Variants in SYNE3 observed in about 807,000 individuals in gnomAD.
SYNE3 encodes spectrin repeat containing nuclear envelope family member 3.
In SYNE3, 100 loss-of-function variants were observed where a neutral mutation model predicts 111.2. The observed-to-expected ratio is 0.90, with a 90% confidence interval of 0.77 to 1.06. The LOEUF (loss-of-function observed/expected upper bound fraction) is 1.06, where lower values mean the gene tolerates loss of function less well. Among genes scored for constraint, SYNE3 ranks in the 50% least tolerant of loss-of-function variants. The pLI, the probability that SYNE3 is intolerant of heterozygous loss-of-function variation, is 0.00. For synonymous variants in SYNE3, 547 were observed against 533.9 expected (o/e 1.02, Z -0.34); for missense variants, 1,160 against 1,240.3 (o/e 0.94, Z 0.97).
At chr14:95,438,875 G>T in intron 14 of SYNE3, 158 bp downstream of exon 14, 1 of 1,032,502 alleles carries the variant, frequency 9.7e-7, no homozygotes, top group South Asian at 1.5e-5. Context: ...ATGCTCTTTG[G>T]CCACAGCTGG....
In SYNE3 at chr14:95,409,654, C is replaced by T. The variant is rs971044895; in HGVS notation, c.*8172G>A. ...TGCTGAACCATTTGCTTTTAGACCA[C>T]GAGCCTGTGTTTTAATGTTCTTTTA... On this transcript the variant is annotated 3_prime_UTR_variant, in exon 18 of 18. Transcript: ENST00000682763. 1.4e-4 allele frequency: 47 copies of T among 328,048 alleles called. No homozygotes were observed. The Admixed American group carries it at 1.8e-3, about 12-fold the overall frequency. The allele number at this position is 328,048 out of a possible 1,614,324, so 20.3% of individuals were successfully genotyped here. A position where few individuals can be genotyped will look rare whatever the true frequency, so the allele number is the denominator to read the frequency against.
At position 95,473,954 on chromosome 14, in the gene SYNE3, C is replaced by T. The variant is rs1252554708; in HGVS notation, c.144+1724G>A. ...TGGCTGGAGCTAAGGCCAGTGTGAG[C>T]TTGCGAGGTGTGACAGTGGCTGGAG... On this transcript the variant is annotated intron_variant, in intron 2 of 17. Transcript: ENST00000682763. Among the ~76,000 whole-genome samples the T allele has an allele frequency of 1.1e-4, 17 of 148,484 alleles. No homozygotes were observed. The East Asian group carries it at 3.5e-3, about 31-fold the overall frequency.
chr14:95,481,336 A>C (rs142856195), intron 1 of SYNE3, among the ~76,000 whole-genome samples: 3 of 152,342 alleles, frequency 2.0e-5, no homozygotes, highest in Non-Finnish European at 4.4e-5. Flanking sequence ...TCAAGGTCCA[A>C]TCAGCAGAGT....
chr14:95,465,781 G>T, intron 4 of SYNE3, 150 bp downstream of exon 4: 1 of 868,150 alleles, frequency 1.2e-6, no homozygotes, highest in Non-Finnish European at 1.7e-6. Context: ...GTTGGATAGT[G>T]AACAGGTGAG....
At chr14:95,498,594 C>T (rs1227931402) in intron 1 of SYNE3, among the ~76,000 whole-genome samples, 1 of 152,208 alleles carries the variant, frequency 6.6e-6, no homozygotes, top group Admixed American at 6.5e-5. Flanking sequence ...ATTCAAGTTA[C>T]ATGAGACAGA....
rs200606884 is a variant in SYNE3, at chr14:95,455,409, C to G, written c.1105G>C (p.Asp369His). ...CGTCTCCAGTGTGCCACCAGCTCGT[C>G]CTCGGTCCCCGCTTTCGCCGCAGGC... Reference protein sequence around the residue: ...LQPAAKAGTEDELVAHWRRYS... With the variant: ...LQPAAKAGTEHELVAHWRRYS... Residue 369 changes from aspartate to histidine, a missense_variant, in exon 6 of 18, where the codon GAC becomes CAC. Coordinates refer to ENST00000682763, the MANE Select transcript of SYNE3 (RefSeq NM_152592.6). 1.1e-4 allele frequency: 170 copies of G among 1,561,570 alleles called. No individual in the cohort carries two copies. Among genetic ancestry groups the G allele is most frequent in the African/African-American group, 8.1e-4 (59 of 73,160 alleles).
At chr14:95,501,791 C>G (rs1235684769) in intron 1 of SYNE3, among the ~76,000 whole-genome samples, 1 of 152,170 alleles carries the variant, frequency 6.6e-6, no homozygotes. Flanking sequence ...TTGTCCCCAG[C>G]GGGGAAGAAA....
chr14:95,428,585 C>A (rs1885564964), intron 17 of SYNE3, among the ~76,000 whole-genome samples: 1 of 152,184 alleles, frequency 6.6e-6, no homozygotes, highest in South Asian at 2.1e-4. Context: ...CCTATTTCAC[C>A]CTGGCTCACA....
At chr14:95,505,279 G>T (rs1021706257) in intron 1 of SYNE3, among the ~76,000 whole-genome samples, 1 of 152,222 alleles carries the variant, frequency 6.6e-6, no homozygotes, top group African/African-American at 2.4e-5. Context: ...GGGGAAGGTG[G>T]AGCAAGAGGG....
Position 95,470,826 on chromosome 14 carries a change from C to T in SYNE3, c.145-2859G>A, listed in dbSNP as rs923542511. Among the ~76,000 whole-genome samples the T allele has an allele frequency of 2.0e-5, 3 of 152,010 alleles. No individual in the cohort carries two copies. Among genetic ancestry groups the T allele is most frequent in the African/African-American group, 4.8e-5 (2 of 41,478 alleles). ...TACAAAAATTAGCCGGGCATGGTGG[C>T]GCACACCTGTGATCCTAGCTACTCA... On this transcript the variant is annotated intron_variant, in intron 2 of 17. Transcript: ENST00000682763. The surrounding 1 kb of genome is among the most constrained non-coding windows in gnomAD (Gnocchi z 4.2).
chr14:95,494,197 C>T (rs781511392), intron 1 of SYNE3, among the ~76,000 whole-genome samples: 6 of 152,134 alleles, frequency 3.9e-5, no homozygotes, highest in South Asian at 4.1e-4. Flanking sequence ...TGGCGCGGTG[C>T]CACTAGGGCC....
At chr14:95,452,593 G>T (rs971119762) in intron 6 of SYNE3, among the ~76,000 whole-genome samples, 6 of 152,202 alleles carry the variant, frequency 3.9e-5, no homozygotes, top group Admixed American at 3.9e-4. Context: ...ACTGTCTGGT[G>T]CTGGGCTACA....
chr14:95,477,094 A>G (rs1277130438), intron 1 of SYNE3, among the ~76,000 whole-genome samples: 1 of 152,282 alleles, frequency 6.6e-6, no homozygotes, highest in Non-Finnish European at 1.5e-5. Flanking sequence ...AACAAAAACT[A>G]CACTCATAGA....
chr14:95,481,102 G>A (rs1417535155), intron 1 of SYNE3, among the ~76,000 whole-genome samples: 5 of 152,238 alleles, frequency 3.3e-5, no homozygotes, highest in African/African-American at 7.2e-5. Flanking sequence ...GGGCACAGGA[G>A]CGGCTGTTAC....
chr14:95,460,367 G>GTTTTTTTTTTTTTTTT (rs548346693), intron 4 of SYNE3, among the ~76,000 whole-genome samples: 4 of 85,238 alleles, frequency 4.7e-5, no homozygotes, highest in Non-Finnish European at 6.5e-5. Flanking sequence ...ACGATGCCTA[G>GTTTTTTTTTTTTTTTT]TTTTTTTTTT....
At chr14:95,505,460 C>A (rs1283145202) in intron 1 of SYNE3, among the ~76,000 whole-genome samples, 1 of 152,204 alleles carries the variant, frequency 6.6e-6, no homozygotes, top group Non-Finnish European at 1.5e-5. Context: ...TCTCATTGGG[C>A]AGCCCTCAGA....
At chr14:95,427,568 T>TCTCTCTCTCC (rs200754889) in intron 17 of SYNE3, among the ~76,000 whole-genome samples, 46 of 152,202 alleles carry the variant, frequency 3.0e-4, no homozygotes, top group African/African-American at 7.5e-4. Flanking sequence ...TAAGCTGTCC[T>TCTCTCTCTCC]CTCTCTCTCC....
chr14:95,484,129 G>A (rs1889411637), intron 1 of SYNE3, among the ~76,000 whole-genome samples: 1 of 152,224 alleles, frequency 6.6e-6, no homozygotes, highest in African/African-American at 2.4e-5. Context: ...TTTCCACCTG[G>A]GAAGTGCTGG....
intron 2 of SYNE3, among the ~76,000 whole-genome samples, chr14:95,475,388 G>A (rs962235571): frequency 1.3e-5 from 2 of 152,354 alleles, no homozygotes; most frequent in South Asian, 4.1e-4. Context: ...TGCAGGGACA[G>A]GAGGATGAGA....
Sources: gnomAD v4.1 joint callset for allele counts (sites outside exome capture counted in the v4.1 genomes callset) on GRCh38, gnomAD v4.1.1 for gene constraint, Gnocchi (gnomAD v3.1) non-coding constraint, MANE v1.5 for transcripts, NCBI Gene and HGNC (gene_info 2026-07-23, HGNC 2026-07-21) for gene names.